Variants in NTMT1 observed in about 807,000 individuals in gnomAD.
NTMT1 encodes N-terminal Xaa-Pro-Lys N-methyltransferase 1, also known as N-terminal RCC1 methyltransferase.
NTMT1 carries 8 observed loss-of-function variants against 17.5 expected under a neutral mutation model. The ratio of observed to expected loss-of-function variants is 0.46; its 90% CI spans 0.27 to 0.82. The LOEUF (loss-of-function observed/expected upper bound fraction) is 0.82. Among genes scored for constraint, NTMT1 ranks in the 40% least tolerant of loss-of-function variants. NTMT1 has a pLI of 0.15. For missense variants in NTMT1, 221 were observed against 303.5 expected, an observed-to-expected ratio of 0.73 and a Z score of 2.02; for synonymous variants, 128 against 126.8, an observed-to-expected ratio of 1.01 and a Z score of -0.06.
At chr9:129,622,994 A>G (rs1453283285), upstream of NTMT1, among the ~76,000 whole-genome samples, 1 of 150,884 alleles carries the variant, frequency 6.6e-6, no homozygotes, top group African/African-American at 2.4e-5. Context: ...ACGCCACTGC[A>G]CTCCAGCCTG....
At chr9:129,619,413 G>T in intron 1 of NTMT1, 1 of 797,374 alleles carries the variant, frequency 1.3e-6, no homozygotes, top group Non-Finnish European at 2.1e-6. Flanking sequence ...GGATGAATGG[G>T]TAGATAGGTG....
At chr9:129,630,077 C>T (rs7020510) in intron 1 of NTMT1, among the ~76,000 whole-genome samples, 30,473 of 152,152 alleles carry the variant, frequency 0.2, 3,593 homozygotes, top group African/African-American at 0.34. Context: ...GCTGGCTGGG[C>T]GGGGTGGGCC....
At chr9:129,630,580 T>C (rs1224052011) in intron 1 of NTMT1, among the ~76,000 whole-genome samples, 2 of 152,232 alleles carry the variant, frequency 1.3e-5, no homozygotes, top group Non-Finnish European at 2.9e-5. Context: ...AGAGTGTTCC[T>C]GGGTCTTAAG....
At chr9:129,634,022 CCT>C (rs779597249) in intron 2 of NTMT1, 30 bp from the exon 3 acceptor site, 6 of 1,596,792 alleles carry the variant, frequency 3.8e-6, no homozygotes, top group South Asian at 1.1e-5. Flanking sequence ...TGACAGGGTC[CCT>C]CTGATAGGTT....
At chr9:129,617,921 C>T (rs192311691) in intron 1 of NTMT1, among the ~76,000 whole-genome samples, 5 of 152,216 alleles carry the variant, frequency 3.3e-5, no homozygotes, top group Admixed American at 2.6e-4. Flanking sequence ...TGGGCTCAAG[C>T]GATCCTCCTG....
chr9:129,611,930 T>C (rs1830122983), intron 1 of NTMT1, among the ~76,000 whole-genome samples: 1 of 151,936 alleles, frequency 6.6e-6, no homozygotes, highest in African/African-American at 2.4e-5. Context: ...TTTTTTTTCT[T>C]TTTTTAAGAG....
chr9:129,620,003 C>A lies in NTMT1; in HGVS notation c.-55+10825C>A, dbSNP rs1830596767. The stretch of plus-strand genomic sequence containing the variant: ...GGTGGTGGGGTGGTGGGTGCGGGGA[C>A]ACAAGGGACCACCCCCCACCGGAAA... On this transcript the variant is annotated intron_variant, in intron 1 of 3. Coordinates refer to the NTMT1 transcript ENST00000372486. This position sits in a 1 kb window ranked among gnomAD's most constrained non-coding sequence, Gnocchi z 5.8. 2 of 1,469,442 alleles carry A rather than the reference C, an allele frequency of 1.4e-6. No homozygotes were observed. 91.0% of individuals were successfully genotyped at this position (1,469,442 alleles called of 1,614,324 possible). A position where few individuals can be genotyped will look rare whatever the true frequency, so the allele number is the denominator to read the frequency against.
At position 129,619,996 on chromosome 9, in the gene NTMT1, G is replaced by A. The variant is rs1211075406; in HGVS notation, c.-55+10818G>A. 7.5e-6 allele frequency: 11 copies of A among 1,469,744 alleles called. No individual in the cohort carries two copies. The East Asian group carries it at 2.5e-4, about 33-fold the overall frequency. The allele number at this position is 1,469,744 out of a possible 1,614,324, so 91.0% of individuals were successfully genotyped here. A position where few individuals can be genotyped will look rare whatever the true frequency, so the allele number is the denominator to read the frequency against. ...TAGCCTGGGTGGTGGGGTGGTGGGT[G>A]CGGGGACACAAGGGACCACCCCCCA... On this transcript the variant is annotated intron_variant, in intron 1 of 3. Coordinates refer to the NTMT1 transcript ENST00000372486.
chr9:129,630,616 C>T (rs1035631594), intron 1 of NTMT1, among the ~76,000 whole-genome samples: 3 of 152,144 alleles, frequency 2.0e-5, no homozygotes, highest in African/African-American at 7.2e-5. Flanking sequence ...GAGGACTGTA[C>T]CCGAGTTCCA....
chr9:129,615,935 G>A (rs897280105), intron 1 of NTMT1, among the ~76,000 whole-genome samples: 22 of 152,342 alleles, frequency 1.4e-4, no homozygotes, highest in Admixed American at 5.2e-4. Context: ...ATTCCAAGGC[G>A]ATGCAGCTGT....
At chr9:129,610,189 G>C (rs1443571948) in intron 1 of NTMT1, among the ~76,000 whole-genome samples, 3 of 130,852 alleles carry the variant, frequency 2.3e-5, no homozygotes, top group African/African-American at 5.7e-5. Context: ...CACAGGGGAG[G>C]GGGGAGGAGG....
In NTMT1 at chr9:129,632,880, C is replaced by T. The variant is rs932173971; in HGVS notation, c.162+15C>T. 13 of 1,612,210 alleles carry T rather than the reference C, an allele frequency of 8.1e-6. No homozygotes were observed. Among genetic ancestry groups the T allele is most frequent in the South Asian group, 3.3e-5 (3 of 90,810 alleles). On this transcript the variant is annotated intron_variant, in intron 2 of 3. Coordinates refer to ENST00000372483, the MANE Select transcript of NTMT1 (RefSeq NM_014064.4). Reference sequence around the variant, plus strand: ...GGTTTTTGAGGGTAGGCAGGTCTGGCGTGCTCTCCAGGAGAGGCTGTGGCT... The same window carrying T: ...GGTTTTTGAGGGTAGGCAGGTCTGGTGTGCTCTCCAGGAGAGGCTGTGGCT...
At chr9:129,626,698 C>T (rs909322026) in intron 1 of NTMT1, among the ~76,000 whole-genome samples, 2 of 152,214 alleles carry the variant, frequency 1.3e-5, no homozygotes, top group African/African-American at 4.8e-5. Flanking sequence ...GAGCCTGGCA[C>T]AGTTAAGTGC....
At position 129,614,612 on chromosome 9, in the gene NTMT1, C is replaced by G. The variant is rs1364142551; in HGVS notation, c.-55+5434C>G. On this transcript the variant is annotated intron_variant, in intron 1 of 3. Transcript: ENST00000372486. This position sits in a 1 kb window ranked among gnomAD's most constrained non-coding sequence, Gnocchi z 4.4. The stretch of plus-strand genomic sequence containing the variant: ...TTCTCGAGACACACTTCAGAAAATT[C>G]ACTGGGAATGGCCAGGCGCGGTGGC... Among the ~76,000 whole-genome samples, 1 of 152,128 alleles carries G rather than the reference C, an allele frequency of 6.6e-6. No homozygotes were observed. Among genetic ancestry groups the G allele is most frequent in the Non-Finnish European group, 1.5e-5 (1 of 68,016 alleles).
chr9:129,634,787 C>G (rs928924163), intron 3 of NTMT1: 1 of 255,930 alleles, frequency 3.9e-6, no homozygotes, highest in East Asian at 1.1e-4. Flanking sequence ...TGTGGACACT[C>G]TAGGTCTGGC....
intron 2 of NTMT1, 164 bp downstream of exon 2, chr9:129,633,029 G>A: frequency 2.8e-6 from 2 of 714,062 alleles, no homozygotes; most frequent in Non-Finnish European, 4.6e-6. Context: ...GGCACAGTGG[G>A]GTAACTTCTA....
At chr9:129,617,817 G>A (rs1306380596) in intron 1 of NTMT1, among the ~76,000 whole-genome samples, 1 of 152,122 alleles carries the variant, frequency 6.6e-6, no homozygotes, top group Non-Finnish European at 1.5e-5. Flanking sequence ...CCGAGTAGCT[G>A]GAACCACAGG....
chr9:129,632,451 C>T (rs1442940285), intron 1 of NTMT1, among the ~76,000 whole-genome samples, 199 bp from the exon 2 acceptor site: 1 of 152,188 alleles, frequency 6.6e-6, no homozygotes, highest in African/African-American at 2.4e-5. Context: ...GAAGCCAGGA[C>T]TTGGGGCGGG....
chr9:129,619,754 G>A (rs938478370), intron 1 of NTMT1: 2 of 1,614,078 alleles, frequency 1.2e-6, no homozygotes, highest in Non-Finnish European at 1.7e-6. Context: ...GGTCTGGGAG[G>A]AATGAACAGT....
Sources: allele counts gnomAD v4.1 joint callset (sites outside exome capture counted in the v4.1 genomes callset), GRCh38; gene constraint gnomAD v4.1.1; non-coding constraint Gnocchi (gnomAD v3.1); transcripts MANE v1.5; gene names NCBI Gene and HGNC (gene_info 2026-07-23, HGNC 2026-07-21).